The following PCDH7 variants were observed in gnomAD, a reference collection of about 807,000 sequenced individuals.
The protein encoded by PCDH7 is protocadherin 7, also known as protocadherin-7.
Under a neutral mutation model 58.9 loss-of-function variants are expected in PCDH7, and 17 were observed. That is an observed-to-expected ratio of 0.29 (90% CI 0.20 to 0.43). PCDH7 has a LOEUF of 0.43. PCDH7 is among the 20% of genes least tolerant of loss of function. The pLI is 1.00. For missense variants in PCDH7, 1,274 were observed against 1,441.0 expected (o/e 0.88, Z 1.88); for synonymous variants, 664 against 616.4 (o/e 1.08, Z -1.14).
intron 3 of PCDH7, among the ~76,000 whole-genome samples, chr4:30,964,640 A>G (rs12509224): frequency 0.61 from 91,511 of 148,840 alleles, 29,253 homozygotes; most frequent in African/African-American, 0.81. Flanking sequence ...AACCTCCCTG[A>G]GGGCAGAAAT....
At chr4:30,767,517 TG>T (rs1720907394) in intron 1 of PCDH7, among the ~76,000 whole-genome samples, 1 of 152,160 alleles carries the variant, frequency 6.6e-6, no homozygotes, top group Non-Finnish European at 1.5e-5. Flanking sequence ...ATCTGAGTTT[TG>T]CTAGCAGAAG....
At position 30,880,897 on chromosome 4, in the gene PCDH7, TCAAA is replaced by T. The variant is rs1165887888; in HGVS notation, c.71-39252_71-39249del. On this transcript the variant is annotated intron_variant, in intron 1 of 3. Coordinates refer to the PCDH7 transcript ENST00000509759. ...CAGGAGTATGGCTGGAGCTGGAGAC[TCAAA>T]CAATGACATCAAGACTGGGTAGCTT... Among the ~76,000 whole-genome samples the T allele has an allele frequency of 4.6e-5, 7 of 152,218 alleles. No individual in the cohort carries two copies. In the South Asian group the frequency reaches 6.2e-4, roughly 14 times the overall value.
intron 3 of PCDH7, among the ~76,000 whole-genome samples, chr4:31,035,893 A>G (rs1443233483): frequency 6.6e-6 from 1 of 152,184 alleles, no homozygotes; most frequent in Non-Finnish European, 1.5e-5. Flanking sequence ...AAATATATTT[A>G]TGGTAGCGAT....
At chr4:31,060,180 C>T (rs1032542258) in intron 3 of PCDH7, among the ~76,000 whole-genome samples, 1 of 151,658 alleles carries the variant, frequency 6.6e-6, no homozygotes, top group African/African-American at 2.4e-5. Flanking sequence ...CTCTTGTAAG[C>T]TGGGAAGAGA....
chr4:31,097,624 ATATATATAT>A lies in PCDH7; in HGVS notation c.*8-44848_*8-44840del, dbSNP rs1403831070. ...TATATATATATATATATATATATAT[ATATATATAT>A]ATATAAATCTTTTTTCTGTAATTTC... On this transcript the variant is annotated intron_variant, in intron 3 of 3. Transcript: ENST00000509759. 2.6e-3 allele frequency among the ~76,000 whole-genome samples: 106 copies of A among 41,152 alleles called. 9 individuals carry two copies. In the South Asian group the frequency reaches 0.032, roughly 12 times the overall value. 27.0% of individuals were successfully genotyped at this position (41,152 alleles called of 152,430 possible).
intron 3 of PCDH7, among the ~76,000 whole-genome samples, chr4:31,005,442 A>C (rs1005824068): frequency 4.6e-5 from 7 of 152,172 alleles, no homozygotes; most frequent in Admixed American, 3.3e-4. Context: ...ACCCTTCTTC[A>C]AAAAGGGATC....
intron 3 of PCDH7, among the ~76,000 whole-genome samples, chr4:31,096,166 A>T (rs972669490): frequency 6.6e-6 from 1 of 152,152 alleles, no homozygotes; most frequent in Non-Finnish European, 1.5e-5. Context: ...ATTGCCAATG[A>T]TTTGCATTAT....
chr4:30,918,105 TGTAA>T (rs941495748), intron 1 of PCDH7, among the ~76,000 whole-genome samples: 16 of 152,326 alleles, frequency 1.1e-4, no homozygotes, highest in South Asian at 1.0e-3. Flanking sequence ...TCTCTTTTTA[TGTAA>T]GTGTTTGTTT....
chr4:30,723,410 T>G lies in PCDH7; in HGVS notation c.1988T>G (p.Val663Gly), dbSNP rs1714046300. ...AACAGCCCTGTGGGGATGGTCACCG[T>G]GATGGATGCTGACAAGGGGCGGAAT... is the stretch of plus-strand genomic sequence containing the variant. Residue 663 changes from valine (V) to glycine (G), a missense_variant, in exon 1 of 2, where the codon GTG becomes GGG. Physicochemically the swap from Val to Gly is moderately radical, Grantham distance 109. Coordinates refer to ENST00000361762, the Ensembl canonical transcript of PCDH7. The surrounding 1 kb of genome is among the most constrained non-coding windows in gnomAD (Gnocchi z 4.6). 1 of 1,614,166 alleles carries G rather than the reference T, an allele frequency of 6.2e-7. No individual in the cohort carries two copies. Among genetic ancestry groups the G allele is most frequent in the East Asian group, 2.2e-5 (1 of 44,876 alleles).
chr4:31,017,161 T>C (rs1012779709), intron 3 of PCDH7, among the ~76,000 whole-genome samples: 1 of 152,208 alleles, frequency 6.6e-6, no homozygotes, highest in East Asian at 1.9e-4. Context: ...GCAGTTATTA[T>C]GCACCTTTAC....
intron 1 of PCDH7, among the ~76,000 whole-genome samples, chr4:30,765,528 G>T (rs1015017771): frequency 9.9e-5 from 15 of 152,226 alleles, no homozygotes; most frequent in Non-Finnish European, 1.6e-4. Context: ...CTTTCATGGG[G>T]TTCTAACTGC....
intron 3 of PCDH7, among the ~76,000 whole-genome samples, chr4:31,128,084 T>C (rs545271236): frequency 2.7e-5 from 4 of 148,804 alleles, no homozygotes; most frequent in Admixed American, 1.3e-4. Flanking sequence ...TGTATATATA[T>C]GCATATATAT....
At chr4:30,854,824 G>GC (rs1733250579) in intron 1 of PCDH7, among the ~76,000 whole-genome samples, 1 of 151,918 alleles carries the variant, frequency 6.6e-6, no homozygotes, top group South Asian at 2.1e-4. Context: ...TGGGATGATG[G>GC]CCATAATACA....
intron 1 of PCDH7, among the ~76,000 whole-genome samples, chr4:30,872,157 T>A (rs1461454652): frequency 6.6e-6 from 1 of 152,122 alleles, no homozygotes; most frequent in African/African-American, 2.4e-5. Flanking sequence ...TTTTGTTTTT[T>A]AAGTTCCTTA....
At chr4:31,040,940 G>T (rs1278808002) in intron 3 of PCDH7, among the ~76,000 whole-genome samples, 1 of 151,876 alleles carries the variant, frequency 6.6e-6, no homozygotes, top group Non-Finnish European at 1.5e-5. Flanking sequence ...GACCAGAAAA[G>T]CACATGGGGT....
At chr4:30,725,602 C>G (rs1714503128) in intron 1 of PCDH7, among the ~76,000 whole-genome samples, 1 of 152,110 alleles carries the variant, frequency 6.6e-6, no homozygotes, top group South Asian at 2.1e-4. Flanking sequence ...TGCCACACAG[C>G]AAACAAGACC....
At chr4:31,010,712 G>A (rs1753104546) in intron 3 of PCDH7, among the ~76,000 whole-genome samples, 1 of 151,890 alleles carries the variant, frequency 6.6e-6, no homozygotes, top group African/African-American at 2.4e-5. Flanking sequence ...CTTGTCACAT[G>A]CTTTAAATAG....
rs1437707913 is a variant in PCDH7, at chr4:31,098,154, ACGCAGGGATGTCACTG to A, written c.*8-44317_*8-44302del. Among the ~76,000 whole-genome samples the A allele has an allele frequency of 7.9e-5, 12 of 152,238 alleles. No individual in the cohort carries two copies. The East Asian group carries it at 2.1e-3, about 27-fold the overall frequency. ...AGTTTCAGTAGCTACTGCTTCCCCC[ACGCAGGGATGTCACTG>A]CCCACATGGGCAGGCCAGGGTCACT... On this transcript the variant is annotated intron_variant, in intron 3 of 3. Coordinates refer to the PCDH7 transcript ENST00000509759.
At chr4:30,943,990 C>T (rs1412402830) in intron 2 of PCDH7, among the ~76,000 whole-genome samples, 1 of 152,106 alleles carries the variant, frequency 6.6e-6, no homozygotes, top group Admixed American at 6.6e-5. Context: ...GTGTGGCCTC[C>T]GTGAGGGCAG....
Sources: allele counts gnomAD v4.1 joint callset (sites outside exome capture counted in the v4.1 genomes callset), GRCh38; gene constraint gnomAD v4.1.1; non-coding constraint Gnocchi (gnomAD v3.1); transcripts MANE v1.5; gene names NCBI Gene and HGNC (gene_info 2026-07-23, HGNC 2026-07-21).